CACNA1B: variants seen among roughly 807,000 people sequenced by gnomAD.
CACNA1B encodes the protein calcium voltage-gated channel subunit alpha1 B, also known as voltage-dependent N-type calcium channel subunit alpha-1B.
CACNA1B carries 70 observed loss-of-function variants against 247.2 expected under a neutral mutation model. The observed-to-expected ratio is 0.28, with a 90% CI of 0.23 to 0.35. The LOEUF (loss-of-function observed/expected upper bound fraction) is 0.35. Ranked by LOEUF, CACNA1B falls within the 10% of genes least tolerant of loss-of-function variation. CACNA1B has a pLI of 1.00. For synonymous variants in CACNA1B, 1,231 were observed against 1,294.4 expected, an observed-to-expected ratio of 0.95 and a Z score of 1.05; for missense variants, 2,367 against 3,197.4, an observed-to-expected ratio of 0.74 and a Z score of 6.26.
At position 137,957,779 on chromosome 9, in the gene CACNA1B, C is replaced by T. The variant is rs529360517; in HGVS notation, c.1333+92C>T. 1.4e-4 allele frequency: 130 copies of T among 913,456 alleles called. No individual in the cohort carries two copies. In the African/African-American group the frequency reaches 1.8e-3, roughly 12 times the overall value. 56.6% of individuals were successfully genotyped at this position (913,456 alleles called of 1,614,324 possible). A position where few individuals can be genotyped will look rare whatever the true frequency, so the allele number is the denominator to read the frequency against. Reference sequence around the variant, plus strand: ...CCCCTGCTACCCAGCCACTGTTGGACGCCCCTTCTTGCCCAAACGCCTGCA... The same window carrying T: ...CCCCTGCTACCCAGCCACTGTTGGATGCCCCTTCTTGCCCAAACGCCTGCA... On this transcript the variant is annotated intron_variant, in intron 10 of 46. Transcript: ENST00000371372. This position sits in a 1 kb window ranked among gnomAD's most constrained non-coding sequence, Gnocchi z 4.7.
At chr9:138,004,624 G>A (rs1958624424) in intron 15 of CACNA1B, among the ~76,000 whole-genome samples, 1 of 151,666 alleles carries the variant, frequency 6.6e-6, no homozygotes, top group Non-Finnish European at 1.5e-5. Flanking sequence ...GAAGAATGAT[G>A]TGTAGTCTGG....
intron 34 of CACNA1B, among the ~76,000 whole-genome samples, chr9:138,075,099 C>T (rs1960267942): frequency 6.6e-6 from 1 of 152,206 alleles, no homozygotes; most frequent in African/African-American, 2.4e-5. Context: ...GGAAGAGGGA[C>T]CCGAGTGTTA....
intron 3 of CACNA1B, among the ~76,000 whole-genome samples, chr9:137,884,956 TTCC>T (rs1956985246): frequency 1.4e-5 from 1 of 69,250 alleles, no homozygotes; most frequent in African/African-American, 6.7e-5. Flanking sequence ...CTCTCCCCTC[TTCC>T]CCCCCCCCCT....
At chr9:138,117,346 C>T (rs984600319) in intron 42 of CACNA1B, among the ~76,000 whole-genome samples, 1 of 152,114 alleles carries the variant, frequency 6.6e-6, no homozygotes, top group Non-Finnish European at 1.5e-5. Flanking sequence ...GGAGGAAGCC[C>T]CTAGAGGAGG....
At chr9:138,034,845 C>T (rs1489570471) in intron 20 of CACNA1B, among the ~76,000 whole-genome samples, 1 of 152,174 alleles carries the variant, frequency 6.6e-6, no homozygotes, top group Non-Finnish European at 1.5e-5. Flanking sequence ...CTGAGGTCCA[C>T]TGTGGTCTGA....
At chr9:137,927,059 T>C (rs1378756258) in intron 6 of CACNA1B, among the ~76,000 whole-genome samples, 1 of 152,244 alleles carries the variant, frequency 6.6e-6, no homozygotes, top group East Asian at 1.9e-4. Flanking sequence ...TGTCTGTTTT[T>C]TCTTTTGTTG....
rs767805354 is a variant in CACNA1B at position 138,049,198 on chromosome 9, C to T, written c.3604-11C>T. ...ACTATGACGTATCTAACGTGTGTTT[C>T]TCCCTCCTAGATGATCGACTTGGGA... On this transcript the variant is annotated splice_polypyrimidine_tract_variant and intron_variant, in intron 23 of 46. Transcript: ENST00000371372. 3.2e-6 allele frequency: 5 copies of T among 1,556,570 alleles called. No homozygotes were observed. The highest frequency in any genetic ancestry group is 4.4e-6 in the Non-Finnish European group (5 of 1,127,490).
At chr9:138,060,684 G>C (rs1280716919) in intron 31 of CACNA1B, among the ~76,000 whole-genome samples, 1 of 152,260 alleles carries the variant, frequency 6.6e-6, no homozygotes, top group Non-Finnish European at 1.5e-5. Context: ...TAGGGCTGAA[G>C]GGACGTCTGA....
intron 16 of CACNA1B, 68 bp downstream of exon 16, chr9:138,006,952 C>T (rs1292809584): frequency 1.6e-5 from 13 of 796,370 alleles, no homozygotes; most frequent in Middle Eastern, 2.2e-4. Flanking sequence ...ATGGCCACCA[C>T]GCGGATCCCT....
chr9:138,071,903 G>A (rs373594463), intron 32 of CACNA1B, among the ~76,000 whole-genome samples: 87 of 151,998 alleles, frequency 5.7e-4, no homozygotes, highest in African/African-American at 2.0e-3. Context: ...TCCAACCCCC[G>A]GCTCTGCTTC....
intron 39 of CACNA1B, among the ~76,000 whole-genome samples, chr9:138,107,546 C>A (rs554807628): frequency 6.6e-6 from 1 of 152,126 alleles, no homozygotes; most frequent in East Asian, 1.9e-4. Flanking sequence ...TAAAATATAT[C>A]CAAAATGTGG....
chr9:138,111,582 T>C (rs530324884), intron 39 of CACNA1B, among the ~76,000 whole-genome samples: 2 of 152,234 alleles, frequency 1.3e-5, no homozygotes, highest in Admixed American at 6.5e-5. Context: ...CATGGGCGTA[T>C]GAATTCACCA....
intron 6 of CACNA1B, among the ~76,000 whole-genome samples, chr9:137,949,247 G>GTATC (rs1957846475): frequency 7.3e-6 from 1 of 136,686 alleles, no homozygotes; most frequent in African/African-American, 2.7e-5. Context: ...ATGCATGTGT[G>GTATC]TGGTGTGTGG....
intron 38 of CACNA1B, among the ~76,000 whole-genome samples, chr9:138,104,147 G>T (rs990801759): frequency 6.6e-6 from 1 of 152,258 alleles, no homozygotes; most frequent in Admixed American, 6.5e-5. Flanking sequence ...GGCCAGATGA[G>T]CTGAGGAGGG....
intron 10 of CACNA1B, among the ~76,000 whole-genome samples, chr9:137,963,268 G>A (rs1958040055): frequency 1.3e-5 from 2 of 152,154 alleles, no homozygotes; most frequent in Non-Finnish European, 2.9e-5. Flanking sequence ...TTGAGCCCAT[G>A]TGTGTCTTTG....
Position 137,950,859 on chromosome 9 carries a change from A to G in CACNA1B, c.967-1415A>G, listed in dbSNP as rs909134697. ...ATTTGCTTTATGAATAATTTTCAGT[A>G]TGTTAATTCCACCTAGTGGGAACAA... On this transcript the variant is annotated intron_variant, in intron 6 of 46. Coordinates refer to ENST00000371372, the MANE Select transcript of CACNA1B (RefSeq NM_000718.4). The surrounding 1 kb of genome is among the most constrained non-coding windows in gnomAD (Gnocchi z 4.8). Among the ~76,000 whole-genome samples the G allele has an allele frequency of 2.6e-5, 4 of 152,200 alleles. No homozygotes were observed. The highest frequency in any genetic ancestry group is 6.5e-5 in the Admixed American group (1 of 15,280).
intron 32 of CACNA1B, among the ~76,000 whole-genome samples, chr9:138,070,048 G>T (rs1246184202): frequency 2.0e-5 from 3 of 152,326 alleles, no homozygotes; most frequent in Admixed American, 6.5e-5. Context: ...TCTGGAGTGG[G>T]TAAGTGTCTA....
At chr9:138,017,556 G>A (rs1958808819) in intron 18 of CACNA1B, among the ~76,000 whole-genome samples, 1 of 152,228 alleles carries the variant, frequency 6.6e-6, no homozygotes, top group Non-Finnish European at 1.5e-5. Context: ...ATGAGGTCAG[G>A]GCCCTGTGAG....
chr9:138,063,075 C>T lies in CACNA1B; in HGVS notation c.4668+3338C>T, dbSNP rs910273941. On this transcript the variant is annotated intron_variant, in intron 31 of 46. Coordinates refer to ENST00000371372, the MANE Select transcript of CACNA1B (RefSeq NM_000718.4). Reference sequence around the variant, plus strand: ...GATTTATCACCTGTGCTCTGGAGTGCGTCAGGGCATCTGATCTAAGTAACA... The same window carrying T: ...GATTTATCACCTGTGCTCTGGAGTGTGTCAGGGCATCTGATCTAAGTAACA... 5.3e-4 allele frequency among the ~76,000 whole-genome samples: 81 copies of T among 152,218 alleles called. 1 individual carries two copies. The highest frequency in any genetic ancestry group is 2.1e-4 in the South Asian group (1 of 4,828).
Sources: gnomAD v4.1 joint callset for allele counts (sites outside exome capture counted in the v4.1 genomes callset) on GRCh38, gnomAD v4.1.1 for gene constraint, Gnocchi (gnomAD v3.1) non-coding constraint, MANE v1.5 for transcripts, NCBI Gene and HGNC (gene_info 2026-07-23, HGNC 2026-07-21) for gene names.